Variants in SCFD1 observed in about 807,000 individuals in gnomAD.
SCFD1 encodes the protein sec1 family domain-containing protein 1.
A neutral mutation model predicts 103.2 loss-of-function variants in SCFD1; 37 were observed. The observed-to-expected ratio is 0.36, with a 90% CI of 0.28 to 0.47. The LOEUF (loss-of-function observed/expected upper bound fraction) is 0.47, where lower values mean the gene tolerates loss of function less well. Ranked by LOEUF, SCFD1 falls within the 20% of genes least tolerant of loss-of-function variation. The pLI, the probability that SCFD1 is intolerant of heterozygous loss-of-function variation, is 1.00. For synonymous variants in SCFD1, 264 were observed against 245.0 expected (o/e 1.08, Z -0.73); for missense variants, 639 against 761.2 (o/e 0.84, Z 1.89).
At position 30,675,061 on chromosome 14, in the gene SCFD1, TA is replaced by T; in HGVS notation, c.1241del (p.Lys414ArgfsTer15). 1 of 1,559,542 alleles carries T rather than the reference TA, an allele frequency of 6.4e-7. No homozygotes were observed. The highest frequency in any genetic ancestry group is 8.7e-7 in the Non-Finnish European group (1 of 1,149,408). ...GTTGCCACTGCTGTTTTAGAACATA[TA>T]AAGGTAAATTTAACTTTTTCCCCCC... The part of the protein sequence containing the change: ...TNVATAVLEH[I>X]KARKLDVYFE... On this transcript the variant is annotated frameshift_variant, in exon 14 of 25. Transcript: ENST00000458591. LOFTEE classifies it high-confidence loss of function.
intron 6 of SCFD1, among the ~76,000 whole-genome samples, chr14:30,642,617 G>T (rs1885396123): frequency 2.0e-5 from 3 of 152,148 alleles, no homozygotes; most frequent in Admixed American, 2.0e-4. Flanking sequence ...TGGTTGTGCT[G>T]TAATTTATTT....
intron 10 of SCFD1, among the ~76,000 whole-genome samples, chr14:30,663,551 A>T (rs1220095114): frequency 6.6e-6 from 1 of 152,210 alleles, no homozygotes; most frequent in Admixed American, 6.6e-5. Flanking sequence ...AGGGGTCTAT[A>T]GGAAAAACAG....
chr14:30,726,428 G>A (rs1456865682), intron 23 of SCFD1, among the ~76,000 whole-genome samples: 2 of 152,186 alleles, frequency 1.3e-5, no homozygotes, highest in East Asian at 3.9e-4. Context: ...GTCATAGGAT[G>A]TGTTCATATG....
chr14:30,632,338 T>C (rs780527295), intron 3 of SCFD1, among the ~76,000 whole-genome samples: 2 of 152,156 alleles, frequency 1.3e-5, no homozygotes, highest in Non-Finnish European at 2.9e-5. Context: ...ACTGTTATAG[T>C]TTGTCAATTC....
rs144855329 is a variant in SCFD1 at position 30,635,757 on chromosome 14, T to C, written c.312+1720T>C. The stretch of plus-strand genomic sequence containing the variant: ...CTCTGTGGACATGTTTTCAATTCTC[T>C]TGTGGCCGTAAACACATAGGAATAA... On this transcript the variant is annotated intron_variant, in intron 4 of 24. Coordinates refer to ENST00000458591, the MANE Select transcript of SCFD1 (RefSeq NM_016106.4). Among the ~76,000 whole-genome samples the C allele has an allele frequency of 5.2e-3, 799 of 152,278 alleles. 9 individuals carry two copies. Among genetic ancestry groups the C allele is most frequent in the African/African-American group, 0.018 (734 of 41,574 alleles).
intron 3 of SCFD1, among the ~76,000 whole-genome samples, chr14:30,632,994 C>T (rs920398653): frequency 6.6e-6 from 1 of 152,194 alleles, no homozygotes; most frequent in African/African-American, 2.4e-5. Flanking sequence ...AACCATTCTC[C>T]TCTATTTGCT....
At chr14:30,639,901 CAAAAT>C (rs760602901) in intron 6 of SCFD1, 37 bp downstream of exon 6, 257 of 1,552,694 alleles carry the variant, frequency 1.7e-4, no homozygotes, top group Non-Finnish European at 2.1e-4. Flanking sequence ...TCTTTGTTAA[CAAAAT>C]GAATGGTATA....
intron 10 of SCFD1, among the ~76,000 whole-genome samples, chr14:30,665,980 C>A (rs1485971369): frequency 1.3e-5 from 2 of 152,072 alleles, no homozygotes; most frequent in African/African-American, 4.8e-5. Flanking sequence ...ACTTTAACAC[C>A]CCACTGTCAA....
At position 30,715,939 on chromosome 14, in the gene SCFD1, C is replaced by T. The variant is rs1230120662; in HGVS notation, c.1645C>T (p.Arg549Cys). 1.2e-5 allele frequency: 19 copies of T among 1,556,252 alleles called. No individual in the cohort carries two copies. Among genetic ancestry groups the T allele is most frequent in the South Asian group, 8.3e-5 (7 of 84,664 alleles). Residue 549 changes from arginine to cysteine, a missense_variant, in exon 20 of 25, where the codon CGT becomes TGT. By Grantham distance (180) the Arg-to-Cys change is radical. Transcript: ENST00000458591. ...VLKQQNLPVT[R>C]ILDNLMEMKS... ...TTTTCCACAGAATCTACCTGTTACT[C>T]GTATTTTGGACAATCTTATGGAGAT...
chr14:30,712,725 G>A (rs924946170), intron 19 of SCFD1, among the ~76,000 whole-genome samples: 2 of 152,006 alleles, frequency 1.3e-5, no homozygotes, highest in Non-Finnish European at 2.9e-5. Context: ...TTTAATTTAG[G>A]ATATTCCTGT....
At chr14:30,714,840 G>A (rs17097121) in intron 19 of SCFD1, among the ~76,000 whole-genome samples, 3,794 of 152,256 alleles carry the variant, frequency 0.025, 182 homozygotes, top group African/African-American at 0.087. Context: ...AATACCAGTT[G>A]AAAATGAACA....
intron 3 of SCFD1, among the ~76,000 whole-genome samples, chr14:30,633,198 T>G (rs1310334596): frequency 6.6e-6 from 1 of 152,202 alleles, no homozygotes; most frequent in Non-Finnish European, 1.5e-5. Flanking sequence ...CAACAGTTAT[T>G]AAACACAGAC....
chr14:30,649,834 T>C (rs1455972976), intron 8 of SCFD1, among the ~76,000 whole-genome samples: 1 of 152,166 alleles, frequency 6.6e-6, no homozygotes, highest in Non-Finnish European at 1.5e-5. Context: ...AAAACTAAAA[T>C]GTATATTCCT....
In SCFD1 at chr14:30,735,603, A is replaced by G. The variant is rs1445573246; in HGVS notation, c.1923A>G (p.Gln641=). 1.9e-6 allele frequency: 3 copies of G among 1,593,126 alleles called. No individual in the cohort carries two copies. Among genetic ancestry groups the G allele is most frequent in the South Asian group, 1.1e-5 (1 of 88,226 alleles). ...TGTTTTAGTTGTCACAACTTGGACA[A>G]AAGTAACACAGAAGAACCTTACTAT... is the stretch of plus-strand genomic sequence containing the variant. ...QFIKQLSQLG[Q]K The change falls in exon 25 of 25, where the codon CAA becomes CAG. Residue 641 remains glutamine, a synonymous_variant. Coordinates refer to ENST00000458591, the MANE Select transcript of SCFD1 (RefSeq NM_016106.4).
intron 10 of SCFD1, among the ~76,000 whole-genome samples, chr14:30,665,586 AC>A (rs1445464531): frequency 6.6e-6 from 1 of 152,182 alleles, no homozygotes; most frequent in African/African-American, 2.4e-5. Context: ...CAATTAAAAG[AC>A]ACAGACTGGC....
intron 15 of SCFD1, among the ~76,000 whole-genome samples, chr14:30,699,104 G>A (rs1204117477): frequency 1.3e-5 from 2 of 152,204 alleles, no homozygotes; most frequent in African/African-American, 2.4e-5. Context: ...GGATTTAACA[G>A]GACCTGGAGT....
rs58942207 is a variant in SCFD1, at chr14:30,677,827, C to CTTTTTTTTTTTTTTTT, written c.1242+2778_1242+2793dup. On this transcript the variant is annotated intron_variant, in intron 14 of 24. Coordinates refer to ENST00000458591, the MANE Select transcript of SCFD1 (RefSeq NM_016106.4). ...TGTGAACATACATTCACCTAAGCAC[C>CTTTTTTTTTTTTTTTT]TTTTTTTTTTTTTTTTTTTTTTTTT... Among the ~76,000 whole-genome samples, 2 of 67,516 alleles carry CTTTTTTTTTTTTTTTT rather than the reference C, an allele frequency of 3.0e-5. 1 individual carries two copies. Among genetic ancestry groups the CTTTTTTTTTTTTTTTT allele is most frequent in the African/African-American group, 1.3e-4 (2 of 15,244 alleles). The allele number at this position is 67,516 out of a possible 152,430, so 44.3% of individuals were successfully genotyped here. A position where few individuals can be genotyped will look rare whatever the true frequency, so the allele number is the denominator to read the frequency against.
intron 1 of SCFD1, among the ~76,000 whole-genome samples, chr14:30,626,661 C>G (rs1469469447): frequency 6.6e-6 from 1 of 152,172 alleles, no homozygotes; most frequent in Non-Finnish European, 1.5e-5. Context: ...GTTCTCCTGT[C>G]CAGCCCACTG....
chr14:30,691,982 A>G (rs143693619), intron 14 of SCFD1, among the ~76,000 whole-genome samples: 1,723 of 149,586 alleles, frequency 0.012, 33 homozygotes, highest in African/African-American at 0.04. Context: ...ACAGGGTCTC[A>G]CTATGTTTCC....
Sources: gnomAD v4.1 joint callset for allele counts (sites outside exome capture counted in the v4.1 genomes callset) on GRCh38, gnomAD v4.1.1 for gene constraint, MANE v1.5 for transcripts, NCBI Gene and HGNC (gene_info 2026-07-23, HGNC 2026-07-21) for gene names.